The following NIPAL2 variants were observed in gnomAD, a reference collection of about 807,000 sequenced individuals.
The protein encoded by NIPAL2 is NIPA like domain containing 2, also known as NIPA-like protein 2.
Under a neutral mutation model 48.9 loss-of-function variants are expected in NIPAL2, and 43 were observed. That is an observed-to-expected ratio of 0.88 (90% confidence interval 0.69 to 1.13). The LOEUF is 1.13. Ranked by LOEUF, NIPAL2 falls within the 50% of genes most tolerant of loss-of-function variation. The pLI, the probability that NIPAL2 is intolerant of heterozygous loss-of-function variation, is 0.00. For synonymous variants in NIPAL2, 167 were observed against 174.6 expected, an observed-to-expected ratio of 0.96 and a Z score of 0.34; for missense variants, 446 against 461.4, an observed-to-expected ratio of 0.97 and a Z score of 0.31.
chr8:98,266,911 A>T (rs1200371118), intron 1 of NIPAL2, among the ~76,000 whole-genome samples: 1 of 152,204 alleles, frequency 6.6e-6, no homozygotes, highest in African/African-American at 2.4e-5. Flanking sequence ...AGAGGTAATA[A>T]TAAAGCTTTA....
chr8:98,271,195 A>G (rs1815102744), intron 1 of NIPAL2, among the ~76,000 whole-genome samples: 1 of 152,088 alleles, frequency 6.6e-6, no homozygotes, highest in African/African-American at 2.4e-5. Flanking sequence ...TTTTGGTACC[A>G]TATAAATTTT....
At chr8:98,193,231 C>A in intron 10 of NIPAL2, 141 bp from the exon 11 acceptor site, 1 of 1,072,558 alleles carries the variant, frequency 9.3e-7, no homozygotes, top group Non-Finnish European at 1.4e-6. Context: ...AGATGAATAT[C>A]AAGGAAGAAA....
intron 8 of NIPAL2, among the ~76,000 whole-genome samples, chr8:98,197,659 T>G (rs1810611845): frequency 6.6e-6 from 1 of 152,256 alleles, no homozygotes; most frequent in South Asian, 2.1e-4. Context: ...TCCTTTGTTT[T>G]CATTTCAACA....
In NIPAL2 at chr8:98,203,200, G is replaced by A. The variant is rs917478607; in HGVS notation, c.792-4C>T. The A allele has an allele frequency of 6.2e-7, 1 of 1,611,402 alleles. No individual in the cohort carries two copies. Reference sequence around the variant, plus strand: ...TTTCGTGGCTTGATTCAGGAACCTAGGGCAGAAGGCACTTACTGGAGCTTT... The same window carrying A: ...TTTCGTGGCTTGATTCAGGAACCTAAGGCAGAAGGCACTTACTGGAGCTTT... On this transcript the variant is annotated splice_polypyrimidine_tract_variant and splice_region_variant and intron_variant, in intron 7 of 10. Transcript: ENST00000430223.
intron 1 of NIPAL2, among the ~76,000 whole-genome samples, chr8:98,265,670 T>A (rs1814676821): frequency 7.2e-6 from 1 of 139,560 alleles, no homozygotes; most frequent in Non-Finnish European, 1.5e-5. Flanking sequence ...AGGAACACTT[T>A]TACACTGTTG....
chr8:98,215,055 T>C (rs1811508818), intron 5 of NIPAL2, among the ~76,000 whole-genome samples: 1 of 152,230 alleles, frequency 6.6e-6, no homozygotes, highest in African/African-American at 2.4e-5. Context: ...ACAGCAGCGT[T>C]TGGGCCGCTG....
intron 3 of NIPAL2, among the ~76,000 whole-genome samples, chr8:98,239,502 T>C (rs1162332477): frequency 1.3e-5 from 2 of 152,200 alleles, no homozygotes; most frequent in Admixed American, 6.5e-5. Flanking sequence ...AAGGACATGA[T>C]TGGTAACAAA....
intron 1 of NIPAL2, among the ~76,000 whole-genome samples, chr8:98,293,189 T>C (rs1816583613): frequency 6.6e-6 from 1 of 152,202 alleles, no homozygotes; most frequent in Non-Finnish European, 1.5e-5. Context: ...AAAGTATCCA[T>C]GGTTTTGTTA....
chr8:98,210,124 T>C (rs556666130), intron 6 of NIPAL2, among the ~76,000 whole-genome samples: 1 of 152,154 alleles, frequency 6.6e-6, no homozygotes, highest in South Asian at 2.1e-4. Flanking sequence ...TTTTCTCTTT[T>C]CTATTTCATT....
intron 1 of NIPAL2, among the ~76,000 whole-genome samples, chr8:98,276,962 G>T (rs1046766009): frequency 6.6e-6 from 1 of 151,732 alleles, no homozygotes; most frequent in African/African-American, 2.4e-5. Flanking sequence ...TAGAGACGGG[G>T]TTTCACCCTG....
At chr8:98,220,520 C>T (rs937967242) in intron 5 of NIPAL2, among the ~76,000 whole-genome samples, 36 of 151,752 alleles carry the variant, frequency 2.4e-4, no homozygotes, top group Non-Finnish European at 3.7e-4. Flanking sequence ...AAGATCCTCT[C>T]ATCTCAACCT....
At chr8:98,238,727 G>A (rs1234714094) in intron 3 of NIPAL2, among the ~76,000 whole-genome samples, 1 of 152,020 alleles carries the variant, frequency 6.6e-6, no homozygotes, top group Non-Finnish European at 1.5e-5. Context: ...AACCAGGCAT[G>A]GGAAATGCTC....
At chr8:98,274,922 T>A (rs1310129661) in intron 1 of NIPAL2, among the ~76,000 whole-genome samples, 3 of 152,124 alleles carry the variant, frequency 2.0e-5, no homozygotes, top group Non-Finnish European at 4.4e-5. Flanking sequence ...ACTCTTCTGG[T>A]TAGGAAGTTA....
At position 98,231,515 on chromosome 8, in the gene NIPAL2, C is replaced by A. The variant is rs183249113; in HGVS notation, c.436+4640G>T. Among the ~76,000 whole-genome samples the A allele has an allele frequency of 2.6e-5, 4 of 152,258 alleles. No individual in the cohort carries two copies. In the East Asian group the frequency reaches 7.7e-4, roughly 29 times the overall value. On this transcript the variant is annotated intron_variant, in intron 4 of 10. Coordinates refer to ENST00000430223, the MANE Select transcript of NIPAL2 (RefSeq NM_001321635.2). ...TCTGGTCTTAAATCAACTAGGATCTCACAGATGATTTGGTGCTTTTGACGT... is the reference window on the plus strand; with the variant it reads ...TCTGGTCTTAAATCAACTAGGATCTAACAGATGATTTGGTGCTTTTGACGT...
chr8:98,225,586 A>G (rs545784715), intron 4 of NIPAL2, among the ~76,000 whole-genome samples: 37 of 152,174 alleles, frequency 2.4e-4, no homozygotes, highest in African/African-American at 8.2e-4. Flanking sequence ...GCTCTTTTGT[A>G]TGTTATTTGT....
In NIPAL2 at chr8:98,192,853, G is replaced by T; in HGVS notation, c.*125C>A. 1 of 657,696 alleles carries T rather than the reference G, an allele frequency of 1.5e-6. No individual in the cohort carries two copies. Among genetic ancestry groups the T allele is most frequent in the South Asian group, 1.7e-5 (1 of 57,550 alleles). 40.7% of individuals were successfully genotyped at this position (657,696 alleles called of 1,614,324 possible). ...ATTGTCCATAGACGCTGAGGTGGGG[G>T]AAAGGACTGAAATGAATGCTAGCAC... On this transcript the variant is annotated 3_prime_UTR_variant, in exon 11 of 11. Transcript: ENST00000430223.
intron 5 of NIPAL2, among the ~76,000 whole-genome samples, chr8:98,219,627 T>TGTAAATACTCTA (rs1242922827): frequency 6.6e-6 from 1 of 152,234 alleles, no homozygotes; most frequent in African/African-American, 2.4e-5. Context: ...CTGTTGGGAA[T>TGTAAATACTCTA]GTAAATACTC....
Position 98,189,959 on chromosome 8 carries a change from A to T in NIPAL2, c.*3019T>A, listed in dbSNP as rs570723042. ...GCAAAGGCCTCTGCTTTAATCTACTACATGAGAGGTCATTGTTACTCATTT... is the reference window on the plus strand; with the variant it reads ...GCAAAGGCCTCTGCTTTAATCTACTTCATGAGAGGTCATTGTTACTCATTT... On this transcript the variant is annotated 3_prime_UTR_variant, in exon 11 of 11. Coordinates refer to ENST00000430223, the MANE Select transcript of NIPAL2 (RefSeq NM_001321635.2). The T allele has an allele frequency of 9.2e-5, 14 of 152,324 alleles. No homozygotes were observed. In the East Asian group the frequency reaches 2.7e-3, roughly 29 times the overall value. The allele number at this position is 152,324 out of a possible 1,614,324, so 9.4% of individuals were successfully genotyped here.
intron 8 of NIPAL2, among the ~76,000 whole-genome samples, chr8:98,196,260 A>G (rs1006776226): frequency 1.3e-5 from 2 of 152,222 alleles, no homozygotes; most frequent in African/African-American, 4.8e-5. Flanking sequence ...ATATATTTGC[A>G]AGCAGAAATT....
Sources: gnomAD v4.1 joint callset for allele counts (sites outside exome capture counted in the v4.1 genomes callset) on GRCh38, gnomAD v4.1.1 for gene constraint, MANE v1.5 for transcripts, NCBI Gene and HGNC (gene_info 2026-07-23, HGNC 2026-07-21) for gene names.